The following KCNH5 variants were observed in gnomAD, a reference collection of about 807,000 sequenced individuals.
The protein encoded by KCNH5 is potassium voltage-gated channel subfamily H member 5.
Under a neutral mutation model 96.1 loss-of-function variants are expected in KCNH5, and 46 were observed. The observed-to-expected ratio is 0.48, with a 90% CI of 0.38 to 0.61. KCNH5 has a LOEUF of 0.61. Ranked by LOEUF, KCNH5 falls within the 20% of genes least tolerant of loss-of-function variation. The pLI is 0.00. For synonymous variants in KCNH5, 439 were observed against 449.8 expected (o/e 0.98, Z 0.30); for missense variants, 907 against 1,225.8 (o/e 0.74, Z 3.88).
At chr14:62,738,300 T>G (rs10149875) in intron 10 of KCNH5, among the ~76,000 whole-genome samples, 8,008 of 151,954 alleles carry the variant, frequency 0.053, 650 homozygotes, top group African/African-American at 0.17. Context: ...ATACAAAATG[T>G]TTTTTTTCTA....
At chr14:62,915,859 A>T (rs1261782577) in intron 7 of KCNH5, among the ~76,000 whole-genome samples, 1 of 152,200 alleles carries the variant, frequency 6.6e-6, no homozygotes, top group South Asian at 2.1e-4. Flanking sequence ...CCCACGTGAT[A>T]AATGAAAAAC....
At chr14:62,795,027 G>C (rs1428236347) in intron 9 of KCNH5, among the ~76,000 whole-genome samples, 1 of 152,128 alleles carries the variant, frequency 6.6e-6, no homozygotes, top group Non-Finnish European at 1.5e-5. Context: ...TTATCAGAGA[G>C]CCGTGTGTGG....
At chr14:62,829,577 G>A (rs1479647208) in intron 8 of KCNH5, among the ~76,000 whole-genome samples, 1 of 152,148 alleles carries the variant, frequency 6.6e-6, no homozygotes, top group East Asian at 1.9e-4. Context: ...GCCCCTTTTA[G>A]CCATGGCTGG....
At chr14:62,971,014 G>A (rs1352847716) in intron 6 of KCNH5, among the ~76,000 whole-genome samples, 1 of 151,972 alleles carries the variant, frequency 6.6e-6, no homozygotes, top group African/African-American at 2.4e-5. Context: ...TCTAGCTAAT[G>A]CAATAAAACA....
At chr14:62,773,173 G>C (rs1886026325) in intron 10 of KCNH5, among the ~76,000 whole-genome samples, 2 of 152,182 alleles carry the variant, frequency 1.3e-5, no homozygotes, top group African/African-American at 4.8e-5. Context: ...CTAGATTCCA[G>C]TCTCAGCTCT....
intron 7 of KCNH5, among the ~76,000 whole-genome samples, chr14:62,870,828 G>A (rs1403167793): frequency 6.6e-6 from 1 of 152,016 alleles, no homozygotes; most frequent in African/African-American, 2.4e-5. Context: ...TTCTACTTTA[G>A]AGATGATGAA....
intron 7 of KCNH5, among the ~76,000 whole-genome samples, chr14:62,880,940 G>A (rs17100488): frequency 6.5e-4 from 99 of 152,262 alleles, no homozygotes; most frequent in African/African-American, 2.3e-3. Context: ...CCAGCCAGCC[G>A]CTGATAAATG....
chr14:62,773,691 T>C (rs1483880454), intron 10 of KCNH5, among the ~76,000 whole-genome samples: 1 of 152,212 alleles, frequency 6.6e-6, no homozygotes, highest in Non-Finnish European at 1.5e-5. Context: ...TCTTGCTATC[T>C]TGAAAGTGAA....
At chr14:62,840,566 C>CTTTTTTTTTTTTTTTTTTTTTTTTTTTTT (rs71120238) in intron 8 of KCNH5, among the ~76,000 whole-genome samples, 1 of 76,368 alleles carries the variant, frequency 1.3e-5, no homozygotes, top group African/African-American at 5.8e-5. Context: ...TCTTTTTTTT[C>CTTTTTTTTTTTTTTTTTTTTTTTTTTTTT]TTTTTTTTTT....
chr14:62,716,116 G>C (rs182177595), intron 10 of KCNH5, among the ~76,000 whole-genome samples: 37 of 152,156 alleles, frequency 2.4e-4, no homozygotes, highest in African/African-American at 8.4e-4. Flanking sequence ...ATCAATGCTA[G>C]CCTAACTTTG....
intron 10 of KCNH5, among the ~76,000 whole-genome samples, chr14:62,738,529 G>A (rs1440579931): frequency 2.0e-5 from 3 of 152,066 alleles, no homozygotes; most frequent in African/African-American, 4.8e-5. Flanking sequence ...ATTTTAAAAT[G>A]TCATACAATG....
At chr14:62,813,710 T>C (rs185924097) in intron 8 of KCNH5, among the ~76,000 whole-genome samples, 12 of 152,298 alleles carry the variant, frequency 7.9e-5, no homozygotes, top group Admixed American at 5.2e-4. Flanking sequence ...ATGAATCTAA[T>C]GGAGCTGGTA....
intron 7 of KCNH5, among the ~76,000 whole-genome samples, chr14:62,868,860 A>G (rs919049664): frequency 7.2e-5 from 11 of 152,198 alleles, no homozygotes; most frequent in African/African-American, 2.7e-4. Flanking sequence ...TGCAAAGGAC[A>G]TGAACTCATC....
At chr14:62,976,154 A>C (rs1246289394) in intron 6 of KCNH5, among the ~76,000 whole-genome samples, 1 of 151,904 alleles carries the variant, frequency 6.6e-6, no homozygotes, top group Non-Finnish European at 1.5e-5. Flanking sequence ...TAATCCCAGC[A>C]CTTTGGGAGG....
intron 8 of KCNH5, among the ~76,000 whole-genome samples, chr14:62,838,305 T>G (rs1313665569): frequency 1.3e-5 from 2 of 152,158 alleles, no homozygotes; most frequent in East Asian, 3.9e-4. Context: ...ATATTCCAAC[T>G]GCACTACCTC....
chr14:62,770,317 A>G (rs922656668), intron 10 of KCNH5, among the ~76,000 whole-genome samples: 1 of 152,244 alleles, frequency 6.6e-6, no homozygotes, highest in African/African-American at 2.4e-5. Context: ...GAAAAAAATG[A>G]CATTTTGTGC....
chr14:62,935,000 C>T (rs1026255480), intron 7 of KCNH5, among the ~76,000 whole-genome samples: 11 of 152,134 alleles, frequency 7.2e-5, no homozygotes, highest in East Asian at 1.9e-4. Flanking sequence ...CAGAACTCTA[C>T]AACATGATAG....
At chr14:62,728,376 G>A (rs1431025412) in intron 10 of KCNH5, among the ~76,000 whole-genome samples, 1 of 123,358 alleles carries the variant, frequency 8.1e-6, no homozygotes, top group African/African-American at 3.1e-5. Flanking sequence ...GACAGAGCAA[G>A]ATTCTGTCTC....
intron 10 of KCNH5, among the ~76,000 whole-genome samples, chr14:62,748,732 G>A (rs8005419): frequency 0.32 from 47,910 of 151,764 alleles, 8,470 homozygotes; most frequent in South Asian, 0.62. Flanking sequence ...GGCGAAGGTC[G>A]TTCATAACTG....
Sources: gnomAD v4.1 joint callset for allele counts (sites outside exome capture counted in the v4.1 genomes callset) on GRCh38, gnomAD v4.1.1 for gene constraint, MANE v1.5 for transcripts, NCBI Gene and HGNC (gene_info 2026-07-23, HGNC 2026-07-21) for gene names.